Variants in MYO5B observed in about 807,000 individuals in gnomAD.
The protein encoded by MYO5B is unconventional myosin-Vb.
A neutral mutation model predicts 229.3 loss-of-function variants in MYO5B; 143 were observed. The observed-to-expected ratio is 0.62, with a 90% CI of 0.54 to 0.72. MYO5B has a LOEUF of 0.72. Among genes scored for constraint, MYO5B ranks in the 30% least tolerant of loss-of-function variants. MYO5B has a pLI of 0.00. For synonymous variants in MYO5B, 918 were observed against 885.2 expected (o/e 1.04, Z -0.66); for missense variants, 2,321 against 2,331.0 (o/e 1.00, Z 0.09).
intron 22 of MYO5B, among the ~76,000 whole-genome samples, chr18:49,882,189 C>T (rs1056741113): frequency 1.3e-5 from 2 of 152,174 alleles, no homozygotes; most frequent in Non-Finnish European, 2.9e-5. Flanking sequence ...TGAGATCTCC[C>T]TTCCCCCACG....
chr18:49,862,958 T>C (rs2024348813), intron 29 of MYO5B, among the ~76,000 whole-genome samples: 1 of 139,520 alleles, frequency 7.2e-6, no homozygotes. Context: ...CAGACCTTCC[T>C]ATTCCACTCC....
chr18:50,016,292 A>T, intron 4 of MYO5B, among the ~76,000 whole-genome samples: 1 of 152,214 alleles, frequency 6.6e-6, no homozygotes, highest in East Asian at 1.9e-4. Context: ...TCCTGTGTGA[A>T]CCCAATTCCT....
At chr18:49,918,439 G>A (rs774977095) in intron 17 of MYO5B, among the ~76,000 whole-genome samples, 1 of 152,188 alleles carries the variant, frequency 6.6e-6, no homozygotes, top group Admixed American at 6.5e-5. Flanking sequence ...GTAACCTAAG[G>A]TTCCCTTAGA....
At chr18:49,900,053 G>GC (rs2024823543) in intron 21 of MYO5B, among the ~76,000 whole-genome samples, 1 of 152,150 alleles carries the variant, frequency 6.6e-6, no homozygotes, top group South Asian at 2.1e-4. Context: ...CCAATGCAGA[G>GC]CCCCAAGGCT....
chr18:50,159,296 A>G (rs1358316029), intron 1 of MYO5B, among the ~76,000 whole-genome samples: 1 of 152,138 alleles, frequency 6.6e-6, no homozygotes, highest in African/African-American at 2.4e-5. Context: ...CAAAGAAAAT[A>G]TGCTTTCCTC....
chr18:50,165,007 A>T (rs1409806940), intron 1 of MYO5B, among the ~76,000 whole-genome samples: 2 of 152,352 alleles, frequency 1.3e-5, no homozygotes, highest in African/African-American at 4.8e-5. Flanking sequence ...CTTATTTGGT[A>T]TCTGGCAGGG....
At chr18:49,904,539 G>A in intron 20 of MYO5B, 133 bp downstream of exon 20, 2 of 1,085,108 alleles carry the variant, frequency 1.8e-6, no homozygotes, top group South Asian at 1.3e-5. Context: ...AAAGGATTTG[G>A]TGAGAGCAGA....
At chr18:49,846,182 T>C (rs1334993480) in intron 33 of MYO5B, among the ~76,000 whole-genome samples, 2 of 152,130 alleles carry the variant, frequency 1.3e-5, no homozygotes, top group Admixed American at 6.5e-5. Context: ...CTGATGAACT[T>C]TGACAGTGGG....
At chr18:50,194,739 G>C (rs1329599772) in intron 1 of MYO5B, 28 bp downstream of exon 1, 2 of 1,459,830 alleles carry the variant, frequency 1.4e-6, no homozygotes, top group South Asian at 1.3e-5. Context: ...CCCCGGCCCC[G>C]GGGCGCCTCC....
chr18:50,194,636 A>G, intron 1 of MYO5B, 131 bp downstream of exon 1: 1 of 614,764 alleles, frequency 1.6e-6, no homozygotes, highest in Non-Finnish European at 2.8e-6. Context: ...AGTGACGAGG[A>G]GGACACCGCG....
At chr18:50,080,434 C>A (rs371699373) in intron 1 of MYO5B, among the ~76,000 whole-genome samples, 3 of 152,178 alleles carry the variant, frequency 2.0e-5, no homozygotes, top group Non-Finnish European at 2.9e-5. Flanking sequence ...TCTCTCCCTG[C>A]ATCCTTTCAA....
intron 1 of MYO5B, among the ~76,000 whole-genome samples, chr18:50,063,441 A>C (rs2030738709): frequency 6.6e-6 from 1 of 152,180 alleles, no homozygotes; most frequent in Admixed American, 6.6e-5. Context: ...TCCCACCCAG[A>C]TGCCTCCCTA....
intron 1 of MYO5B, among the ~76,000 whole-genome samples, chr18:50,072,684 G>T (rs1429400340): frequency 6.6e-6 from 1 of 152,184 alleles, no homozygotes; most frequent in African/African-American, 2.4e-5. Context: ...TAGTTAAGCA[G>T]GCAAAGCATA....
In MYO5B at chr18:49,953,328, CAG is replaced by C. The variant is rs2025449686; in HGVS notation, c.1682_1683del (p.Ser561Ter). 1 of 1,614,024 alleles carries C rather than the reference CAG, an allele frequency of 6.2e-7. No individual in the cohort carries two copies. The highest frequency in any genetic ancestry group is 8.5e-7 in the Non-Finnish European group (1 of 1,180,020). ...TCTCTGTTTTTCTCCAGAAAACCAT[CAG>C]AGAGGTACTCCACCTGGGGCCACAG... ...VHFADKVEYL[S>X]DGFLEKNRDT... On this transcript the variant is annotated frameshift_variant, in exon 14 of 40. Coordinates refer to ENST00000285039, the MANE Select transcript of MYO5B (RefSeq NM_001080467.3). LOFTEE classifies it high-confidence loss of function.
At chr18:49,917,763 G>A (rs750740869) in intron 17 of MYO5B, among the ~76,000 whole-genome samples, 1 of 152,222 alleles carries the variant, frequency 6.6e-6, no homozygotes, top group African/African-American at 2.4e-5. Flanking sequence ...CCTGGATTCT[G>A]ACTTGCTTGT....
At chr18:49,849,883 G>C (rs2144053878) in intron 31 of MYO5B, 1 of 562,852 alleles carries the variant, frequency 1.8e-6, no homozygotes, top group East Asian at 3.2e-5. Context: ...TTCTCTCAAG[G>C]CAAGACTCCT....
chr18:50,004,009 CAA>C (rs954558866), intron 4 of MYO5B, among the ~76,000 whole-genome samples: 3 of 152,164 alleles, frequency 2.0e-5, no homozygotes, highest in Admixed American at 6.6e-5. Context: ...TTACACTCGG[CAA>C]AGACAGATGA....
At chr18:49,891,378 G>C (rs187499704) in intron 22 of MYO5B, among the ~76,000 whole-genome samples, 2 of 152,138 alleles carry the variant, frequency 1.3e-5, no homozygotes, top group Admixed American at 6.5e-5. Flanking sequence ...TAGCCCTTGG[G>C]GGGTAATTCA....
intron 12 of MYO5B, among the ~76,000 whole-genome samples, chr18:49,958,286 G>C (rs551703072): frequency 1.6e-4 from 24 of 152,218 alleles, no homozygotes; most frequent in African/African-American, 5.5e-4. Context: ...AGTTGATCTC[G>C]ACAACTCCTA....
Sources: allele counts gnomAD v4.1 joint callset (sites outside exome capture counted in the v4.1 genomes callset), GRCh38; gene constraint gnomAD v4.1.1; transcripts MANE v1.5; gene names NCBI Gene and HGNC (gene_info 2026-07-23, HGNC 2026-07-21).